Variants in PKHD1 observed in about 807,000 individuals in gnomAD.
PKHD1 encodes fibrocystin.
PKHD1 carries 291 observed loss-of-function variants against 412.0 expected under a neutral mutation model. The ratio of observed to expected loss-of-function variants is 0.71; its 90% CI spans 0.64 to 0.78. The LOEUF is 0.78. Among genes scored for constraint, PKHD1 ranks in the 30% least tolerant of loss-of-function variants. The pLI, the probability that PKHD1 is intolerant of heterozygous loss-of-function variation, is 0.00. For missense variants in PKHD1, 4,825 were observed against 4,950.7 expected (o/e 0.97, Z 0.76); for synonymous variants, 1,777 against 1,821.5 (o/e 0.98, Z 0.62).
At chr6:51,696,203 T>A (rs1025315911) in intron 60 of PKHD1, among the ~76,000 whole-genome samples, 9 of 152,196 alleles carry the variant, frequency 5.9e-5, no homozygotes, top group African/African-American at 2.2e-4. Flanking sequence ...TTCTCATTGT[T>A]TGCAAACCTG....
chr6:51,821,725 T>C (rs1450895331), intron 52 of PKHD1, among the ~76,000 whole-genome samples: 1 of 152,214 alleles, frequency 6.6e-6, no homozygotes. Context: ...TTTGTTTGTT[T>C]GTTTTTTGAG....
intron 61 of PKHD1, among the ~76,000 whole-genome samples, chr6:51,657,939 T>C (rs1772161557): frequency 6.6e-6 from 1 of 152,104 alleles, no homozygotes; most frequent in Non-Finnish European, 1.5e-5. Flanking sequence ...TGACTCTCTT[T>C]CTCTCTAGAC....
chr6:51,892,500 A>G (rs1022999357), intron 43 of PKHD1, among the ~76,000 whole-genome samples: 2 of 152,228 alleles, frequency 1.3e-5, no homozygotes, highest in South Asian at 2.1e-4. Context: ...ATGCTGTTAT[A>G]CAGAGGATAG....
intron 29 of PKHD1, among the ~76,000 whole-genome samples, chr6:52,030,526 T>C (rs1376697383): frequency 6.6e-6 from 1 of 152,162 alleles, no homozygotes; most frequent in African/African-American, 2.4e-5. Context: ...GAAAAAGACA[T>C]GACTACGAGG....
chr6:52,025,462 C>T lies in PKHD1; in HGVS notation c.4348G>A (p.Asp1450Asn), dbSNP rs750619856. The change falls in exon 32 of 67, where the codon GAC becomes AAC. Residue 1450 changes from aspartate to asparagine, a missense_variant. By Grantham distance (23) the Asp-to-Asn change is conservative (BLOSUM62 1). Transcript: ENST00000371117. ...GAGAAGGAAGCTCCAGGCAAGGGGT[C>T]ACCCTCCAGGCTAACCTGGCAGAGA... ...TILCQVSLEG[D>N]PLPGASFSLN... 2 of 1,609,036 alleles carry T rather than the reference C, an allele frequency of 1.2e-6. No homozygotes were observed. Among genetic ancestry groups the T allele is most frequent in the Non-Finnish European group, 8.5e-7 (1 of 1,176,722 alleles).
intron 55 of PKHD1, among the ~76,000 whole-genome samples, chr6:51,763,091 T>C (rs1788319847): frequency 6.6e-6 from 1 of 152,122 alleles, no homozygotes; most frequent in Non-Finnish European, 1.5e-5. Context: ...ACTTTGTTTT[T>C]AATATTTGTA....
intron 33 of PKHD1, among the ~76,000 whole-genome samples, chr6:52,020,571 C>T (rs1042746911): frequency 2.6e-5 from 4 of 152,166 alleles, no homozygotes; most frequent in Non-Finnish European, 4.4e-5. Context: ...GCCCTTGCAG[C>T]TACTGCTCTG....
intron 35 of PKHD1, among the ~76,000 whole-genome samples, chr6:51,995,231 G>T (rs1160338711): frequency 2.6e-5 from 4 of 152,188 alleles, no homozygotes; most frequent in African/African-American, 9.7e-5. Flanking sequence ...CCTGCCATCA[G>T]GCCACAGCTC....
chr6:51,847,260 ATTT>A (rs981973021), intron 50 of PKHD1, among the ~76,000 whole-genome samples: 4 of 100,006 alleles, frequency 4.0e-5, no homozygotes, highest in African/African-American at 1.2e-4. Flanking sequence ...CATGCCCAGC[ATTT>A]TTTTTTTTTT....
chr6:51,713,241 A>G (rs558979679), intron 60 of PKHD1, among the ~76,000 whole-genome samples: 2 of 152,382 alleles, frequency 1.3e-5, no homozygotes, highest in South Asian at 4.1e-4. Context: ...GATCCTGGAT[A>G]AAACTCTAAG....
At chr6:51,736,794 T>A (rs1420673381) in intron 60 of PKHD1, among the ~76,000 whole-genome samples, 1 of 152,080 alleles carries the variant, frequency 6.6e-6, no homozygotes, top group South Asian at 2.1e-4. Flanking sequence ...CATTTTATAA[T>A]ACCATCTTGC....
rs559617791 is a variant in PKHD1, at chr6:51,933,851, G to T, written c.6121+259C>A. 7.9e-5 allele frequency among the ~76,000 whole-genome samples: 12 copies of T among 152,342 alleles called. No individual in the cohort carries two copies. The East Asian group carries it at 2.1e-3, about 27-fold the overall frequency. ...GCCGGGAAGTATGGTCCACCCACAA[G>T]GAGGCACTGAAAGTCACCTAACAGT... On this transcript the variant is annotated intron_variant, in intron 37 of 66. Transcript: ENST00000371117.
At chr6:51,799,372 T>C (rs1462172754) in intron 52 of PKHD1, among the ~76,000 whole-genome samples, 1 of 152,172 alleles carries the variant, frequency 6.6e-6, no homozygotes, top group Non-Finnish European at 1.5e-5. Flanking sequence ...TTTGAGGTGG[T>C]AGGAATTTAA....
At chr6:51,730,508 A>G (rs1215955059) in intron 60 of PKHD1, among the ~76,000 whole-genome samples, 2 of 152,218 alleles carry the variant, frequency 1.3e-5, no homozygotes, top group Non-Finnish European at 2.9e-5. Context: ...AAATTGTCAA[A>G]TGCATCTGAA....
intron 60 of PKHD1, among the ~76,000 whole-genome samples, chr6:51,696,733 G>A (rs563352112): frequency 2.0e-5 from 3 of 152,284 alleles, no homozygotes; most frequent in South Asian, 2.1e-4. Context: ...AGAACTGTGC[G>A]TGGGATAGAG....
At position 51,667,976 on chromosome 6, in the gene PKHD1, G is replaced by A. The variant is rs555737878; in HGVS notation, c.10157-8007C>T. 3.0e-4 allele frequency among the ~76,000 whole-genome samples: 45 copies of A among 152,236 alleles called. No individual in the cohort carries two copies. In the South Asian group the frequency reaches 3.5e-3, roughly 12 times the overall value. The stretch of plus-strand genomic sequence containing the variant: ...TTGTAGTATAGTTTGAAGTCAGGTC[G>A]CGTGATGCCTCCAGCTTTGTTCTTT... On this transcript the variant is annotated intron_variant, in intron 60 of 66. Transcript: ENST00000371117.
chr6:52,055,277 A>T (rs572237479), intron 19 of PKHD1, among the ~76,000 whole-genome samples: 1 of 152,354 alleles, frequency 6.6e-6, no homozygotes, highest in East Asian at 1.9e-4. Flanking sequence ...TGGAATCAGG[A>T]TTTAAAACCA....
chr6:51,985,374 T>C (rs976350442), intron 35 of PKHD1, among the ~76,000 whole-genome samples: 5 of 152,212 alleles, frequency 3.3e-5, no homozygotes, highest in Non-Finnish European at 7.3e-5. Flanking sequence ...GTTTCTGGGT[T>C]TATGGAACAT....
intron 59 of PKHD1, among the ~76,000 whole-genome samples, chr6:51,745,433 C>G (rs1051710181): frequency 6.6e-6 from 1 of 152,136 alleles, no homozygotes; most frequent in Non-Finnish European, 1.5e-5. Flanking sequence ...AGCGTTTCTC[C>G]CCTCTGGAAG....
Sources: allele counts gnomAD v4.1 joint callset (sites outside exome capture counted in the v4.1 genomes callset), GRCh38; gene constraint gnomAD v4.1.1; transcripts MANE v1.5; gene names NCBI Gene and HGNC (gene_info 2026-07-23, HGNC 2026-07-21).